The following FBXW8 variants were observed in gnomAD, a reference collection of about 807,000 sequenced individuals.
FBXW8 encodes the protein F-box/WD repeat-containing protein 8.
A neutral mutation model predicts 65.3 loss-of-function variants in FBXW8; 57 were observed. The observed-to-expected ratio is 0.87, with a 90% CI of 0.71 to 1.09. The LOEUF is 1.09. Ranked by LOEUF, FBXW8 falls within the 50% of genes least tolerant of loss-of-function variation. The pLI is 0.00. For missense variants in FBXW8, 777 were observed against 814.8 expected (o/e 0.95, Z 0.57); for synonymous variants, 308 against 330.2 (o/e 0.93, Z 0.73).
At chr12:116,933,120 G>A (rs1324389175) in intron 2 of FBXW8, among the ~76,000 whole-genome samples, 1 of 152,138 alleles carries the variant, frequency 6.6e-6, no homozygotes, top group Non-Finnish European at 1.5e-5. Context: ...AATTTGATTT[G>A]TTATATTCTA....
At chr12:117,009,893 C>T (rs1484070231) in intron 7 of FBXW8, among the ~76,000 whole-genome samples, 1 of 152,144 alleles carries the variant, frequency 6.6e-6, no homozygotes, top group African/African-American at 2.4e-5. Flanking sequence ...TTTCTTTTCC[C>T]GCCTGTGACG....
In FBXW8 at chr12:117,028,107, T is replaced by C. The variant is rs768051529; in HGVS notation, c.1732T>C (p.Ser578Pro). 6.2e-7 allele frequency: 1 copy of C among 1,614,132 alleles called. No individual in the cohort carries two copies. The highest frequency in any genetic ancestry group is 1.7e-5 in the Admixed American group (1 of 60,022). Residue 578 changes from serine (S) to proline (P), a missense_variant, in exon 11 of 11, where the codon TCC becomes CCC. By Grantham distance (74) the Ser-to-Pro change is moderately conservative (BLOSUM62 -1). Transcript: ENST00000652555. The surrounding 1 kb of genome is among the most constrained non-coding windows in gnomAD (Gnocchi z 4.1). ...FQSPLPVCRS[S>P]CDAMATHYYD... ...GAGCCCTCTCCCTGTCTGCCGTTCA[T>C]CCTGTGACGCCATGGCCACTCACTA...
chr12:116,981,810 C>T (rs1428607693), intron 5 of FBXW8, among the ~76,000 whole-genome samples: 1 of 152,102 alleles, frequency 6.6e-6, no homozygotes, highest in African/African-American at 2.4e-5. Flanking sequence ...GACGGGGTTT[C>T]ACTTTGTTGG....
chr12:117,006,217 T>C (rs1191389239), intron 7 of FBXW8, among the ~76,000 whole-genome samples: 1 of 152,164 alleles, frequency 6.6e-6, no homozygotes, highest in Non-Finnish European at 1.5e-5. Flanking sequence ...CAGAGTTCCT[T>C]TCCTCATTCA....
chr12:116,953,663 C>G (rs1232604691), intron 4 of FBXW8, among the ~76,000 whole-genome samples: 1 of 151,726 alleles, frequency 6.6e-6, no homozygotes, highest in Non-Finnish European at 1.5e-5. Flanking sequence ...GTCCCAGCTA[C>G]TCAGGAGGCT....
At chr12:117,025,187 A>G (rs564545058) in intron 9 of FBXW8, among the ~76,000 whole-genome samples, 2 of 152,262 alleles carry the variant, frequency 1.3e-5, no homozygotes, top group African/African-American at 4.8e-5. Context: ...CCTCAGCACC[A>G]CTGTGAAGAG....
At chr12:117,006,499 C>T (rs780885674) in intron 7 of FBXW8, among the ~76,000 whole-genome samples, 51 of 152,356 alleles carry the variant, frequency 3.3e-4, no homozygotes, top group South Asian at 2.1e-3. Flanking sequence ...CTGGATGCTG[C>T]GGGGCCCGCC....
intron 5 of FBXW8, among the ~76,000 whole-genome samples, chr12:116,983,297 C>T (rs376107596): frequency 1.1e-4 from 16 of 152,162 alleles, no homozygotes; most frequent in East Asian, 7.7e-4. Flanking sequence ...TTTTTCTCTT[C>T]TGAGTCAGGA....
chr12:117,001,293 G>A (rs1156782224), intron 7 of FBXW8, among the ~76,000 whole-genome samples: 6 of 152,156 alleles, frequency 3.9e-5, no homozygotes, highest in Non-Finnish European at 8.8e-5. Context: ...TATTCGCTGC[G>A]GCTTCCCAGT....
chr12:116,994,477 C>G (rs1265174894), intron 7 of FBXW8, among the ~76,000 whole-genome samples: 3 of 152,218 alleles, frequency 2.0e-5, no homozygotes, highest in Non-Finnish European at 4.4e-5. Context: ...CTCCTTCCCA[C>G]TCCCTCCAAC....
intron 7 of FBXW8, 25 bp downstream of exon 7, chr12:116,988,894 T>A (rs1205033181): frequency 1.3e-6 from 2 of 1,587,284 alleles, no homozygotes; most frequent in Admixed American, 1.7e-5. Context: ...AGATATATAA[T>A]TAACAAAAAA....
chr12:116,961,321 T>C lies in FBXW8; in HGVS notation c.678-3376T>C, dbSNP rs766544267. Among the ~76,000 whole-genome samples the C allele has an allele frequency of 6.6e-6, 1 of 152,132 alleles. No individual in the cohort carries two copies. The highest frequency in any genetic ancestry group is 1.5e-5 in the Non-Finnish European group (1 of 68,030). On this transcript the variant is annotated intron_variant, in intron 4 of 10. Coordinates refer to ENST00000652555, the MANE Select transcript of FBXW8 (RefSeq NM_153348.3). This position sits in a 1 kb window ranked among gnomAD's most constrained non-coding sequence, Gnocchi z 4.4. ...GCCTGTATCTGCACTTTTTAAAGCATTCCAGGCAAATTTAATGTGCAGCCC... is the reference window on the plus strand; with the variant it reads ...GCCTGTATCTGCACTTTTTAAAGCACTCCAGGCAAATTTAATGTGCAGCCC...
At chr12:116,922,303 T>C (rs1880972379) in intron 1 of FBXW8, among the ~76,000 whole-genome samples, 1 of 152,188 alleles carries the variant, frequency 6.6e-6, no homozygotes. Flanking sequence ...CTATTTCTTC[T>C]GATTGAGATT....
intron 4 of FBXW8, among the ~76,000 whole-genome samples, chr12:116,954,321 G>A (rs1883500784): frequency 6.6e-6 from 1 of 151,944 alleles, no homozygotes; most frequent in South Asian, 2.1e-4. Context: ...TAGATTTGTG[G>A]CCTTTTCCCT....
chr12:116,937,469 A>G (rs12299208), intron 2 of FBXW8, among the ~76,000 whole-genome samples: 2,026 of 152,304 alleles, frequency 0.013, 40 homozygotes, highest in African/African-American at 0.046. Context: ...CCAGGCAGGA[A>G]GAAAACCCAG....
intron 1 of FBXW8, among the ~76,000 whole-genome samples, chr12:116,920,706 C>A (rs926978375): frequency 6.6e-6 from 1 of 152,102 alleles, no homozygotes; most frequent in Non-Finnish European, 1.5e-5. Context: ...CTGTGGTGAC[C>A]AGGACCCGCA....
intron 4 of FBXW8, among the ~76,000 whole-genome samples, chr12:116,957,673 CT>C (rs1270542958): frequency 6.6e-5 from 10 of 152,122 alleles, no homozygotes; most frequent in Admixed American, 6.5e-4. Flanking sequence ...TTTAAAAAAA[CT>C]TTTTCCCCTA....
intron 8 of FBXW8, among the ~76,000 whole-genome samples, chr12:117,011,094 C>A (rs1406953400): frequency 6.6e-6 from 1 of 151,624 alleles, no homozygotes; most frequent in Non-Finnish European, 1.5e-5. Context: ...TTAGGTTTCT[C>A]CCCGCCTCTT....
intron 7 of FBXW8, among the ~76,000 whole-genome samples, chr12:116,995,822 A>T (rs532352637): frequency 6.6e-6 from 1 of 152,314 alleles, no homozygotes; most frequent in South Asian, 2.1e-4. Context: ...TGTGGTGCAA[A>T]AGTCAGTGTG....
Sources: allele counts gnomAD v4.1 joint callset (sites outside exome capture counted in the v4.1 genomes callset), GRCh38; gene constraint gnomAD v4.1.1; non-coding constraint Gnocchi (gnomAD v3.1); transcripts MANE v1.5; gene names NCBI Gene and HGNC (gene_info 2026-07-23, HGNC 2026-07-21).